The following THNSL1 variants were observed in gnomAD, a reference collection of about 807,000 sequenced individuals.
THNSL1 encodes the protein threonine synthase like 1.
In THNSL1, 48 loss-of-function variants were observed where a neutral mutation model predicts 50.4. The observed-to-expected ratio is 0.95, with a 90% CI of 0.76 to 1.21. THNSL1 has a LOEUF of 1.21. Among genes scored for constraint, THNSL1 ranks in the 50% most tolerant of loss-of-function variants. The pLI is 0.00. For synonymous variants in THNSL1, 309 were observed against 306.1 expected, an observed-to-expected ratio of 1.01 and a Z score of -0.10; for missense variants, 896 against 871.7, an observed-to-expected ratio of 1.03 and a Z score of -0.35.
chr10:25,012,385 G>A (rs747303961), upstream of THNSL1, among the ~76,000 whole-genome samples: 1 of 152,196 alleles, frequency 6.6e-6, no homozygotes, highest in Non-Finnish European at 1.5e-5. Context: ...AATCCACTGA[G>A]AGCATGCACC....
At chr10:25,008,352 G>A in the THNSL1 span, among the ~76,000 whole-genome samples, 2,520 of 152,262 alleles carry the variant, frequency 0.017, 76 homozygotes, top group African/African-American at 0.058. Context: ...AGTTAGCAAA[G>A]TGGGTAAGAC....
At chr10:25,009,701 G>A in the THNSL1 span, among the ~76,000 whole-genome samples, 1 of 152,114 alleles carries the variant, frequency 6.6e-6, no homozygotes, top group Admixed American at 6.5e-5. Context: ...GGGACCCAGT[G>A]GGAGGTAAGT....
chr10:24,958,206 C>T, the THNSL1 span, among the ~76,000 whole-genome samples: 3 of 151,328 alleles, frequency 2.0e-5, no homozygotes, highest in Admixed American at 6.6e-5. Flanking sequence ...AAAAAAAAAC[C>T]TTTCAGTCTG....
chr10:25,011,365 G>A, the THNSL1 span, among the ~76,000 whole-genome samples: 101 of 152,054 alleles, frequency 6.6e-4, no homozygotes, highest in Non-Finnish European at 1.3e-3. Context: ...AGATGAGTAG[G>A]TTGCAAAAAT....
the THNSL1 span, among the ~76,000 whole-genome samples, chr10:25,004,243 T>C: frequency 6.6e-6 from 1 of 152,324 alleles, no homozygotes; most frequent in Non-Finnish European, 1.5e-5. Context: ...AACCTAGGCA[T>C]GCATGTGTCT....
the THNSL1 span, chr10:24,999,360 T>A: frequency 6.4e-7 from 1 of 1,554,486 alleles, no homozygotes; most frequent in Non-Finnish European, 8.7e-7. Context: ...AATCACCTGC[T>A]AATGCTTTTA....
At chr10:25,019,377 G>A (rs991561763) in intron 1 of THNSL1, among the ~76,000 whole-genome samples, 4 of 152,198 alleles carry the variant, frequency 2.6e-5, no homozygotes, top group Admixed American at 6.5e-5. Context: ...GGGAGGCTGA[G>A]GTGGGAGGAT....
the THNSL1 span, chr10:24,983,920 T>C: frequency 6.5e-6 from 1 of 153,986 alleles, no homozygotes; most frequent in African/African-American, 2.4e-5. Context: ...AACTTATTGC[T>C]TAATAGATTA....
At chr10:24,971,106 T>C in the THNSL1 span, among the ~76,000 whole-genome samples, 2 of 128,766 alleles carry the variant, frequency 1.6e-5, no homozygotes, top group Non-Finnish European at 3.1e-5. Flanking sequence ...CACTCACTGC[T>C]TTTTTTTTTT....
chr10:24,958,674 A>G, the THNSL1 span, among the ~76,000 whole-genome samples: 1 of 152,266 alleles, frequency 6.6e-6, no homozygotes, highest in African/African-American at 2.4e-5. Context: ...AGCCAAGGCT[A>G]CACTCAATTG....
chr10:25,011,308 T>C, the THNSL1 span, among the ~76,000 whole-genome samples: 4,386 of 152,278 alleles, frequency 0.029, 141 homozygotes, highest in African/African-American at 0.078. Context: ...TTTTTTCTTG[T>C]ACATTTGTTT....
rs373958272 is a variant in THNSL1 at position 25,024,404 on chromosome 10, A to G, written c.1181A>G (p.Asn394Ser). 10 of 1,613,968 alleles carry G rather than the reference A, an allele frequency of 6.2e-6. No homozygotes were observed. The Middle Eastern group carries it at 4.9e-4, about 80-fold the overall frequency. Reference sequence around the variant, plus strand: ...GTCTTAAATGGTTTTAGTCGTCTAAATAAGAATGATAAGCAAAGGATAGCT... The same window carrying G: ...GTCTTAAATGGTTTTAGTCGTCTAAGTAAGAATGATAAGCAAAGGATAGCT... The part of the protein sequence containing the change: ...SAVLNGFSRL[N>S]KNDKQRIAVV... The change falls in exon 3 of 3, where the codon AAT (asparagine) becomes AGT (serine). Residue 394 changes from asparagine (N) to serine (S), a missense_variant. Transcript: ENST00000376356.
Position 25,025,175 on chromosome 10 carries a change from A to G in THNSL1, c.1952A>G (p.Asp651Gly), listed in dbSNP as rs1226167521. ...PHTAVAKVVA[D>G]RVQDKTCPVI... is the part of the protein sequence containing the mutation. ...ACTGCTGTTGCAAAAGTGGTTGCAG[A>G]TAGGGTGCAAGACAAAACTTGCCCT... The change falls in exon 3 of 3, where the codon GAT becomes GGT. Residue 651 changes from aspartate to glycine, a missense_variant. Physicochemically the swap from Asp to Gly is moderately conservative, Grantham distance 94. Transcript: ENST00000376356. 1 of 1,614,196 alleles carries G rather than the reference A, an allele frequency of 6.2e-7. No homozygotes were observed. The highest frequency in any genetic ancestry group is 8.5e-7 in the Non-Finnish European group (1 of 1,180,040).
Position 25,024,674 on chromosome 10 carries a change from C to T in THNSL1, c.1451C>T (p.Ala484Val), listed in dbSNP as rs1292333977. 1 of 1,614,234 alleles carries T rather than the reference C, an allele frequency of 6.2e-7. No homozygotes were observed. The highest frequency in any genetic ancestry group is 1.3e-5 in the African/African-American group (1 of 75,072). ...GRLLPQVVYHASAYLDLVSQG... is the reference protein window; with the variant it reads ...GRLLPQVVYHVSAYLDLVSQG... ...CTACTTCCGCAGGTAGTTTATCATG[C>T]TTCCGCATATCTTGATCTTGTTAGT... is the stretch of plus-strand genomic sequence containing the variant. The change falls in exon 3 of 3, where the codon GCT (alanine) becomes GTT (valine). Residue 484 changes from alanine to valine, a missense_variant. By Grantham distance (64) the Ala-to-Val change is moderately conservative (BLOSUM62 0). Transcript: ENST00000376356.
At chr10:25,000,772 T>C in the THNSL1 span, among the ~76,000 whole-genome samples, 4 of 152,280 alleles carry the variant, frequency 2.6e-5, no homozygotes, top group South Asian at 6.2e-4. Flanking sequence ...TCACTTTTAA[T>C]GTGATTATAA....
the THNSL1 span, among the ~76,000 whole-genome samples, chr10:24,972,968 T>A: frequency 6.6e-6 from 1 of 152,124 alleles, no homozygotes; most frequent in Non-Finnish European, 1.5e-5. Flanking sequence ...CATATCTAAA[T>A]TAAGCTTTAA....
chr10:25,016,941 G>T (rs961791250), intron 1 of THNSL1, among the ~76,000 whole-genome samples: 1 of 152,164 alleles, frequency 6.6e-6, no homozygotes, highest in African/African-American at 2.4e-5. Flanking sequence ...GAGGCTCCTC[G>T]GAACGCCGCG....
At chr10:24,975,647 C>T in the THNSL1 span, among the ~76,000 whole-genome samples, 1 of 152,158 alleles carries the variant, frequency 6.6e-6, no homozygotes, top group Admixed American at 6.5e-5. Context: ...CCTACACACG[C>T]TCTCTCACCT....
the THNSL1 span, among the ~76,000 whole-genome samples, chr10:25,001,625 C>A: frequency 3.3e-5 from 5 of 151,918 alleles, no homozygotes; most frequent in African/African-American, 1.2e-4. Context: ...TCTAAATTTT[C>A]TTTTTCAGTG....
Sources: gnomAD v4.1 joint callset for allele counts (sites outside exome capture counted in the v4.1 genomes callset) on GRCh38, gnomAD v4.1.1 for gene constraint, MANE v1.5 for transcripts, NCBI Gene and HGNC (gene_info 2026-07-23, HGNC 2026-07-21) for gene names.